Variants in MYO6 observed in about 807,000 individuals in gnomAD.
The protein encoded by MYO6 is unconventional myosin-VI.
In MYO6, 74 loss-of-function variants were observed where a neutral mutation model predicts 178.7. The observed-to-expected ratio is 0.41, with a 90% CI of 0.34 to 0.50. The LOEUF (loss-of-function observed/expected upper bound fraction) is 0.50, where lower values mean the gene tolerates loss of function less well. Ranked by LOEUF, MYO6 falls within the 20% of genes least tolerant of loss-of-function variation. MYO6 has a pLI of 0.09. For synonymous variants in MYO6, 477 were observed against 504.6 expected (o/e 0.95, Z 0.73); for missense variants, 1,330 against 1,547.4 (o/e 0.86, Z 2.36).
intron 6 of MYO6, among the ~76,000 whole-genome samples, chr6:75,834,426 T>C (rs1240474737): frequency 6.6e-6 from 1 of 152,106 alleles, no homozygotes; most frequent in East Asian, 1.9e-4. Context: ...AGAGACAGGG[T>C]TATGCTATGT....
At chr6:75,874,221 C>G (rs1304617591) in intron 20 of MYO6, among the ~76,000 whole-genome samples, 1 of 151,884 alleles carries the variant, frequency 6.6e-6, no homozygotes, top group Non-Finnish European at 1.5e-5. Context: ...CCCCGCCTCA[C>G]AAATCTAGAT....
At chr6:75,755,796 A>C (rs1397222477) in intron 1 of MYO6, among the ~76,000 whole-genome samples, 1 of 152,184 alleles carries the variant, frequency 6.6e-6, no homozygotes, top group Non-Finnish European at 1.5e-5. Flanking sequence ...CTAGGGATAC[A>C]GTGATTAAAT....
At chr6:75,783,773 C>T (rs1767234159) in intron 1 of MYO6, among the ~76,000 whole-genome samples, 1 of 152,066 alleles carries the variant, frequency 6.6e-6, no homozygotes, top group Non-Finnish European at 1.5e-5. Context: ...GGAAATTTAT[C>T]ATCTAGACCA....
chr6:75,809,290 A>C, intron 1 of MYO6, among the ~76,000 whole-genome samples: 1 of 152,226 alleles, frequency 6.6e-6, no homozygotes, highest in East Asian at 1.9e-4. Flanking sequence ...TTTACAGCCA[A>C]GGAACAGAGC....
At chr6:75,907,382 A>G (rs1014941335) in intron 30 of MYO6, among the ~76,000 whole-genome samples, 2 of 152,204 alleles carry the variant, frequency 1.3e-5, no homozygotes, top group African/African-American at 4.8e-5. Context: ...AAAAGTTTGG[A>G]TTTAAAATCT....
chr6:75,873,138 G>T, intron 19 of MYO6, 69 bp from the exon 20 acceptor site: 2 of 1,164,664 alleles, frequency 1.7e-6, no homozygotes, highest in Non-Finnish European at 1.3e-6. Context: ...GAAAGTTGCA[G>T]GTATTCATAG....
chr6:75,891,403 C>A (rs975046891), intron 27 of MYO6, 97 bp downstream of exon 27: 6 of 820,318 alleles, frequency 7.3e-6, no homozygotes, highest in Non-Finnish European at 1.2e-5. Context: ...GAGGCCGAGG[C>A]GGGCGGATCA....
chr6:75,874,870 G>A (rs1052451289), intron 20 of MYO6, among the ~76,000 whole-genome samples: 1 of 152,128 alleles, frequency 6.6e-6, no homozygotes, highest in Non-Finnish European at 1.5e-5. Flanking sequence ...ACCTTGATGA[G>A]GTCACCAGTG....
chr6:75,755,687 A>G (rs1777288236), intron 1 of MYO6, among the ~76,000 whole-genome samples: 2 of 152,208 alleles, frequency 1.3e-5, no homozygotes, highest in Non-Finnish European at 2.9e-5. Context: ...GTAAAGACTC[A>G]CTAAAGAACT....
At chr6:75,796,629 C>CTT (rs143090177) in intron 1 of MYO6, among the ~76,000 whole-genome samples, 3 of 132,428 alleles carry the variant, frequency 2.3e-5, no homozygotes, top group Non-Finnish European at 3.2e-5. Flanking sequence ...TGACTCCCAT[C>CTT]TTTTTTTTTT....
At chr6:75,813,561 A>G (rs980139893) in intron 1 of MYO6, among the ~76,000 whole-genome samples, 3 of 151,980 alleles carry the variant, frequency 2.0e-5, no homozygotes, top group African/African-American at 7.3e-5. Flanking sequence ...CTGCCAGACA[A>G]AGTCCCCCTT....
At position 75,890,075 on chromosome 6, in the gene MYO6, G is replaced by A. The variant is rs777201145; in HGVS notation, c.2677G>A (p.Glu893Lys). The change falls in exon 26 of 35, where the codon GAA becomes AAA. Residue 893 changes from glutamate (E) to lysine (K), a missense_variant. By Grantham distance (56) the Glu-to-Lys change is moderately conservative. Transcript: ENST00000369977. Reference protein sequence around the residue: ...AKIKSTMMTQEQIQKEYDALV... With the variant: ...AKIKSTMMTQKQIQKEYDALV... ...TTTAAAGTCCACTATGATGACGCAG[G>A]AACAAATCCAGAAAGAATATGATGC... 4 of 1,613,300 alleles carry A rather than the reference G, an allele frequency of 2.5e-6. No homozygotes were observed. In the South Asian group the frequency reaches 4.4e-5, roughly 18 times the overall value.
chr6:75,875,111 T>C (rs1462425892), intron 20 of MYO6, among the ~76,000 whole-genome samples: 1 of 152,234 alleles, frequency 6.6e-6, no homozygotes, highest in Non-Finnish European at 1.5e-5. Context: ...TAGGCCTCTT[T>C]TTCTTCTCAT....
Position 75,832,869 on chromosome 6 carries a change from T to C in MYO6, c.419T>C (p.Val140Ala), listed in dbSNP as rs1401594350. ...GATAAAGCTTTTCGAGACATGAAGG[T>C]GCTCAAGATGAGTCAGTCTATCATT... ...IADKAFRDMK[V>A]LKMSQSIIVS... The change falls in exon 6 of 35, where the codon GTG becomes GCG. Residue 140 changes from valine to alanine, a missense_variant. Physicochemically the swap from Val to Ala is moderately conservative, Grantham distance 64. Coordinates refer to ENST00000369977, the MANE Select transcript of MYO6 (RefSeq NM_004999.4). 2.5e-6 allele frequency: 4 copies of C among 1,613,950 alleles called. No homozygotes were observed. In the South Asian group the frequency reaches 4.4e-5, roughly 18 times the overall value.
intron 1 of MYO6, among the ~76,000 whole-genome samples, chr6:75,794,756 A>T (rs563964545): frequency 1.1e-4 from 16 of 145,446 alleles, no homozygotes; most frequent in Non-Finnish European, 2.2e-4. Flanking sequence ...AAATAAAAAA[A>T]AAAATAAAAT....
At chr6:75,873,391 CTTGA>C in intron 20 of MYO6, 91 bp downstream of exon 20, 1 of 1,037,306 alleles carries the variant, frequency 9.6e-7, no homozygotes, top group Non-Finnish European at 1.5e-6. Flanking sequence ...TCACCATTAT[CTTGA>C]TTATTTTACA....
rs1176231437 is a variant in MYO6 at position 75,904,491 on chromosome 6, C to T, written c.3177-3114C>T. On this transcript the variant is annotated intron_variant, in intron 30 of 34. Transcript: ENST00000369977. ...ATTTCATTCATTTCATCTTCCATCG[C>T]TGATACCCTTTCTTCCAGTTGATCG... 3.3e-5 allele frequency among the ~76,000 whole-genome samples: 5 copies of T among 152,112 alleles called. No homozygotes were observed. In the South Asian group the frequency reaches 6.2e-4, roughly 19 times the overall value.
chr6:75,902,885 A>G (rs1779930441), intron 30 of MYO6, among the ~76,000 whole-genome samples: 1 of 151,272 alleles, frequency 6.6e-6, no homozygotes. Flanking sequence ...TTCCCTCTAC[A>G]CACTGCGTTG....
At chr6:75,904,032 C>G (rs1451459011) in intron 30 of MYO6, among the ~76,000 whole-genome samples, 1 of 152,136 alleles carries the variant, frequency 6.6e-6, no homozygotes, top group Non-Finnish European at 1.5e-5. Flanking sequence ...AAATTCTTTT[C>G]TTTAAGAATG....
Sources: allele counts gnomAD v4.1 joint callset (sites outside exome capture counted in the v4.1 genomes callset), GRCh38; gene constraint gnomAD v4.1.1; transcripts MANE v1.5; gene names NCBI Gene and HGNC (gene_info 2026-07-23, HGNC 2026-07-21).